ATXN7L3: variants seen among roughly 807,000 people sequenced by gnomAD.
ATXN7L3 encodes the protein ataxin 7 like 3.
In ATXN7L3, 6 loss-of-function variants were observed where a neutral mutation model predicts 50.0. The ratio of observed to expected loss-of-function variants is 0.12; its 90% CI spans 0.07 to 0.24. ATXN7L3 has a LOEUF of 0.24. ATXN7L3 is among the 10% of genes least tolerant of loss of function. The probability of loss-of-function intolerance (pLI) is 1.00; values close to 1 mark genes in which losing one functional copy is unlikely to be tolerated. For synonymous variants in ATXN7L3, 198 were observed against 165.8 expected (o/e 1.19, Z -1.49); for missense variants, 322 against 451.3 (o/e 0.71, Z 2.60).
In ATXN7L3 at chr17:44,195,463, A is replaced by T; in HGVS notation, c.577T>A (p.Tyr193Asn). ...AGCTCCTCCGGCCCCAGGGTCTCATAGCTGATCCCAGTTGAATTGTTATAC... is the reference window on the plus strand; with the variant it reads ...AGCTCCTCCGGCCCCAGGGTCTCATTGCTGATCCCAGTTGAATTGTTATAC... Reference protein sequence around the residue: ...FKYNNSTGISYETLGPEELRS... With the variant: ...FKYNNSTGISNETLGPEELRS... Residue 193 changes from tyrosine to asparagine, a missense_variant, in exon 9 of 13, where the codon TAT becomes AAT. By Grantham distance (143) the Tyr-to-Asn change is moderately radical. This residue lies in a region of ATXN7L3 where 95 missense variants were observed against 98.1 expected (regional missense o/e 0.97). Coordinates refer to ENST00000587097, the MANE Select transcript of ATXN7L3 (RefSeq NM_001382309.1). 1 of 1,614,066 alleles carries T rather than the reference A, an allele frequency of 6.2e-7. No individual in the cohort carries two copies. Among genetic ancestry groups the T allele is most frequent in the Non-Finnish European group, 8.5e-7 (1 of 1,179,978 alleles).
In ATXN7L3 at chr17:44,197,997, G is replaced by A. The variant is rs577878142; in HGVS notation, c.51+23C>T. 20 of 1,609,928 alleles carry A rather than the reference G, an allele frequency of 1.2e-5. No individual in the cohort carries two copies. The African/African-American group carries it at 1.6e-4, about 13-fold the overall frequency. On this transcript the variant is annotated intron_variant, in intron 2 of 12. Transcript: ENST00000587097. ...AGAGACATCAAGAGAAAGAACTGGA[G>A]GCACACGTGGGGGAGCCCTCACCTC... is the stretch of plus-strand genomic sequence containing the variant.
At position 44,199,550 on chromosome 17, in the gene ATXN7L3, G is replaced by C; in HGVS notation, c.-115C>G. On this transcript the variant is annotated 5_prime_UTR_variant, in exon 1 of 13. Transcript: ENST00000587097. ...CAGCCTCTCAGGGCCGCGTCCTCCG[G>C]CGGCGGCGACGGCGGCGGCTGCTCC... 6.8e-6 allele frequency: 1 copy of C among 148,002 alleles called. No homozygotes were observed. The highest frequency in any genetic ancestry group is 6.7e-5 in the Admixed American group (1 of 14,930). The allele number at this position is 148,002 out of a possible 1,614,324, so 9.2% of individuals were successfully genotyped here. A position where few individuals can be genotyped will look rare whatever the true frequency, so the allele number is the denominator to read the frequency against.
In ATXN7L3 at chr17:44,195,811, C is replaced by G. The variant is rs1459363222; in HGVS notation, c.541G>C (p.Asp181His). ...KHKNGELSNS[D>H]PFKYNNSTGI... ...CGGCCCATACTCACCTTAAAAGGAT[C>G]CGAATTGCTAAGTTCCCCTGAAGAA... The change falls in exon 8 of 13, where the codon GAT (aspartate) becomes CAT (histidine). Residue 181 changes from aspartate (D) to histidine (H), a missense_variant. By Grantham distance (81) the Asp-to-His change is moderately conservative (BLOSUM62 -1). Coordinates refer to ENST00000587097, the MANE Select transcript of ATXN7L3 (RefSeq NM_001382309.1). 1.2e-6 allele frequency: 2 copies of G among 1,611,106 alleles called. No individual in the cohort carries two copies. The highest frequency in any genetic ancestry group is 2.7e-5 in the African/African-American group (2 of 74,846).
Position 44,198,040 on chromosome 17 carries a change from G to A in ATXN7L3, c.31C>T (p.Leu11=), listed in dbSNP as rs202174331. The change falls in exon 2 of 13, where the codon CTG becomes TTG. Residue 11 remains leucine, a synonymous_variant. Transcript: ENST00000587097. The part of the protein sequence containing the change: MKMEEMSLSG[L]DNSKLEAIAQ... ...CTCACCTCTAGTTTGCTGTTATCCAGGCCAGACAAAGACATTTCCTCCATT... is the reference window on the plus strand; with the variant it reads ...CTCACCTCTAGTTTGCTGTTATCCAAGCCAGACAAAGACATTTCCTCCATT... 5 of 1,614,152 alleles carry A rather than the reference G, an allele frequency of 3.1e-6. No homozygotes were observed. The highest frequency in any genetic ancestry group is 3.3e-5 in the Admixed American group (2 of 60,004).
In ATXN7L3 at chr17:44,194,719, A is replaced by G. The variant is rs1321107179; in HGVS notation, c.738-45T>C. On this transcript the variant is annotated intron_variant, in intron 11 of 12. Transcript: ENST00000587097. ...AAGAAGGGCTTTAGAGATAGTGATC[A>G]TCGCCCTAACTGGTCACAACCCCCC... The G allele has an allele frequency of 1.9e-6, 3 of 1,613,620 alleles. No homozygotes were observed. The South Asian group carries it at 3.3e-5, about 18-fold the overall frequency.
At chr17:44,195,559 T>A in intron 8 of ATXN7L3, 72 bp from the exon 9 acceptor site, 1 of 1,471,362 alleles carries the variant, frequency 6.8e-7, no homozygotes, top group Non-Finnish European at 9.5e-7. Context: ...GAAGTGAGAA[T>A]CAGTCCCTCT....
intron 2 of ATXN7L3, 106 bp from the exon 3 acceptor site, chr17:44,197,836 T>C (rs2055971549): frequency 5.1e-6 from 8 of 1,566,434 alleles, no homozygotes; most frequent in East Asian, 2.3e-5. Context: ...CATGCTTTCT[T>C]TGCCATTTTC....
chr17:44,195,734 G>T, intron 8 of ATXN7L3, 66 bp downstream of exon 8: 1 of 1,518,358 alleles, frequency 6.6e-7, no homozygotes, highest in Non-Finnish European at 9.1e-7. Context: ...ATCCCTACTT[G>T]TCCAAATCCC....
At chr17:44,198,181 T>A in intron 1 of ATXN7L3, 51 bp from the exon 2 acceptor site, 1 of 1,024,892 alleles carries the variant, frequency 9.8e-7, no homozygotes. Context: ...CACCTCTGAA[T>A]GCGGCCACCT....
intron 8 of ATXN7L3, 88 bp downstream of exon 8, chr17:44,195,712 G>A: frequency 1.4e-6 from 2 of 1,435,460 alleles, no homozygotes. Flanking sequence ...GCCTCTGGCT[G>A]TCAGCATTCT....
At chr17:44,196,535 T>G in intron 5 of ATXN7L3, 117 bp from the exon 6 acceptor site, 1 of 1,327,450 alleles carries the variant, frequency 7.5e-7, no homozygotes, top group Non-Finnish European at 1.1e-6. Flanking sequence ...ATCCCAGCAC[T>G]TTGGGAGGCC....
In ATXN7L3 at chr17:44,194,290, C is replaced by T. The variant is rs566167003; in HGVS notation, c.1017G>A (p.Thr339=). 2.4e-5 allele frequency: 39 copies of T among 1,614,188 alleles called. No individual in the cohort carries two copies. The highest frequency in any genetic ancestry group is 6.6e-5 in the South Asian group (6 of 91,084). ...KKKPKPPAPP[T]PSIYDDIN ...AGTTGATGTCATCATAGATGCTGGGCGTCGGGGGTGCCGGTGGCTTTGGCT... is the reference window on the plus strand; with the variant it reads ...AGTTGATGTCATCATAGATGCTGGGTGTCGGGGGTGCCGGTGGCTTTGGCT... Residue 339 remains threonine (T), a synonymous_variant, in exon 13 of 13, where the codon ACG becomes ACA. Coordinates refer to ENST00000587097, the MANE Select transcript of ATXN7L3 (RefSeq NM_001382309.1).
Position 44,195,421 on chromosome 17 carries a change from T to C in ATXN7L3, c.619A>G (p.Thr207Ala). Residue 207 changes from threonine to alanine, a missense_variant and splice_region_variant, in exon 9 of 13, where the codon ACG becomes GCG. By Grantham distance (58) the Thr-to-Ala change is moderately conservative (BLOSUM62 0). Around this residue, in one of 5 missense-constraint regions of ATXN7L3, gnomAD observed 95 missense variants for 98.1 expected, o/e 0.97. Coordinates refer to ENST00000587097, the MANE Select transcript of ATXN7L3 (RefSeq NM_001382309.1). ...GPEELRSLLT[T>A]QCGVISEHTK... Reference sequence around the variant, plus strand: ...CTCTCTTGCTGGTCCTCCCTCACCGTGGTTAGCAGGCTGCGAAGCTCCTCC... The same window carrying C: ...CTCTCTTGCTGGTCCTCCCTCACCGCGGTTAGCAGGCTGCGAAGCTCCTCC... 2.5e-6 allele frequency: 4 copies of C among 1,613,748 alleles called. No homozygotes were observed. Among genetic ancestry groups the C allele is most frequent in the Middle Eastern group, 1.7e-4 (1 of 6,048 alleles).
rs1252212628 is a variant in ATXN7L3, at chr17:44,194,659, G to A, written c.753C>T (p.Val251=). ...FLGPSAVLPE[V]ESSLDNDSFD... is the part of the protein sequence containing the mutation. Reference sequence around the variant, plus strand: ...AGCTGTCATTATCCAGGGAGCTCTCGACCTCTGGAAGGACACTGGAAAGGG... The same window carrying A: ...AGCTGTCATTATCCAGGGAGCTCTCAACCTCTGGAAGGACACTGGAAAGGG... Residue 251 remains valine (V), a synonymous_variant, in exon 12 of 13, where the codon GTC becomes GTT. Coordinates refer to ENST00000587097, the MANE Select transcript of ATXN7L3 (RefSeq NM_001382309.1). The A allele has an allele frequency of 6.2e-6, 10 of 1,613,974 alleles. No individual in the cohort carries two copies. Among genetic ancestry groups the A allele is most frequent in the South Asian group, 4.4e-5 (4 of 91,078 alleles).
At chr17:44,196,216 C>T in intron 6 of ATXN7L3, 137 bp from the exon 7 acceptor site, 1 of 1,160,696 alleles carries the variant, frequency 8.6e-7, no homozygotes, top group South Asian at 1.4e-5. Flanking sequence ...GCCTGTCTAC[C>T]CATGTGCCCT....
chr17:44,195,195 T>TA (rs761966875), intron 9 of ATXN7L3, 55 bp from the exon 10 acceptor site: 2 of 1,566,546 alleles, frequency 1.3e-6, no homozygotes, highest in South Asian at 2.2e-5. Flanking sequence ...CTCTAGATGT[T>TA]AGATGTTTCT....
chr17:44,191,850 A>G lies in ATXN7L3; in HGVS notation c.*2413T>C. 2.0e-6 allele frequency: 1 copy of G among 512,188 alleles called. No homozygotes were observed. The highest frequency in any genetic ancestry group is 2.5e-6 in the Non-Finnish European group (1 of 397,820). 31.7% of individuals were successfully genotyped at this position (512,188 alleles called of 1,614,324 possible). ...TATTTACACCAGCAGCCATGGGGGC[A>G]GAGGGAATACACAGCGTTTACAAAG... is the stretch of plus-strand genomic sequence containing the variant. On this transcript the variant is annotated 3_prime_UTR_variant, in exon 13 of 13. Coordinates refer to ENST00000587097, the MANE Select transcript of ATXN7L3 (RefSeq NM_001382309.1).
At chr17:44,195,394 T>C (rs2055846319) in intron 9 of ATXN7L3, 25 bp downstream of exon 9, 1 of 1,610,016 alleles carries the variant, frequency 6.2e-7, no homozygotes, top group African/African-American at 1.3e-5. Flanking sequence ...CCCAGGGACC[T>C]TCTCTCTTGC....
At position 44,196,298 on chromosome 17, in the gene ATXN7L3, C is replaced by T. The variant is rs2055888902; in HGVS notation, c.477+98G>A. ...AAAGACACCCTCAAGCCCCCAATGA[C>T]CTCAGCCTTGAGTCATGACACTCGA... On this transcript the variant is annotated intron_variant, in intron 6 of 12. Transcript: ENST00000587097. 3 of 1,360,380 alleles carry T rather than the reference C, an allele frequency of 2.2e-6. No homozygotes were observed. In the African/African-American group the frequency reaches 4.7e-5, roughly 21 times the overall value. The allele number at this position is 1,360,380 out of a possible 1,614,324, so 84.3% of individuals were successfully genotyped here. A position where few individuals can be genotyped will look rare whatever the true frequency, so the allele number is the denominator to read the frequency against.
Sources: gnomAD v4.1 joint callset for allele counts on GRCh38, gnomAD v4.1.1 for gene constraint, gnomAD v4.1.1 regional missense constraint, MANE v1.5 for transcripts, NCBI Gene and HGNC (gene_info 2026-07-23, HGNC 2026-07-21) for gene names.